CCDC148: variants seen among roughly 807,000 people sequenced by gnomAD.
The protein encoded by CCDC148 is coiled-coil domain-containing protein 148.
A neutral mutation model predicts 85.7 loss-of-function variants in CCDC148; 89 were observed. That is an observed-to-expected ratio of 1.04 (90% CI 0.87 to 1.24). The LOEUF is 1.24. Ranked by LOEUF, CCDC148 falls within the 50% of genes most tolerant of loss-of-function variation. The pLI, the probability that CCDC148 is intolerant of heterozygous loss-of-function variation, is 0.00. For synonymous variants in CCDC148, 230 were observed against 213.9 expected (o/e 1.08, Z -0.66); for missense variants, 692 against 671.7 (o/e 1.03, Z -0.33).
At chr2:158,210,038 C>A (rs912232042) in intron 11 of CCDC148, among the ~76,000 whole-genome samples, 21 of 152,070 alleles carry the variant, frequency 1.4e-4, no homozygotes, top group Non-Finnish European at 4.4e-5. Context: ...AGAGTCACGA[C>A]CCATTGGTGT....
chr2:158,385,806 GGCAAGATAGGGCCTCTTGAAAA>G (rs1685062709), intron 1 of CCDC148, among the ~76,000 whole-genome samples: 1 of 152,038 alleles, frequency 6.6e-6, no homozygotes, highest in African/African-American at 2.4e-5. Context: ...GGTGGCTTTT[GGCAAGATAGGGCCTCTTGAAAA>G]GCAAGAGAGC....
Position 158,384,133 on chromosome 2 carries a change from T to C in CCDC148, c.26-25563A>G, listed in dbSNP as rs79776456. ...TCTCATTGCATTACCTGATTTCCCT[T>C]TGTCCATTACTGATGCTATTGACTT... On this transcript the variant is annotated intron_variant, in intron 1 of 13. Transcript: ENST00000283233. 1.4e-3 allele frequency among the ~76,000 whole-genome samples: 211 copies of C among 152,348 alleles called. 2 individuals are homozygous for C. The East Asian group carries it at 0.037, about 27-fold the overall frequency.
At chr2:158,244,657 T>C (rs924278180) in intron 10 of CCDC148, among the ~76,000 whole-genome samples, 1 of 152,142 alleles carries the variant, frequency 6.6e-6, no homozygotes, top group Non-Finnish European at 1.5e-5. Context: ...CAGTCTGCTA[T>C]CACTCTGCCT....
At chr2:158,263,156 A>G (rs562642416) in intron 9 of CCDC148, among the ~76,000 whole-genome samples, 10 of 152,154 alleles carry the variant, frequency 6.6e-5, no homozygotes, top group African/African-American at 2.4e-4. Flanking sequence ...AACGATTCAC[A>G]AAGGAGGATT....
intron 1 of CCDC148, among the ~76,000 whole-genome samples, chr2:158,418,490 T>C (rs796721615): frequency 1.4e-4 from 22 of 152,320 alleles, no homozygotes; most frequent in African/African-American, 5.3e-4. Flanking sequence ...ACCTTCCTTC[T>C]GTTCCTGGTA....
chr2:158,436,922 A>C (rs1687683074), intron 1 of CCDC148, among the ~76,000 whole-genome samples: 1 of 152,332 alleles, frequency 6.6e-6, no homozygotes, highest in Non-Finnish European at 1.5e-5. Flanking sequence ...TCAAGACTAA[A>C]CCAGGAAGAA....
At chr2:158,395,911 C>T (rs1685501570) in intron 1 of CCDC148, among the ~76,000 whole-genome samples, 1 of 152,150 alleles carries the variant, frequency 6.6e-6, no homozygotes, top group Non-Finnish European at 1.5e-5. Flanking sequence ...AGAATACAAT[C>T]ATTATTACTT....
chr2:158,445,405 T>C (rs955756588), intron 1 of CCDC148, among the ~76,000 whole-genome samples: 1 of 152,210 alleles, frequency 6.6e-6, no homozygotes, highest in Non-Finnish European at 1.5e-5. Context: ...GAGATTTCAT[T>C]GACCTTTCTC....
At chr2:158,323,079 T>C (rs1692593644) in intron 7 of CCDC148, among the ~76,000 whole-genome samples, 1 of 152,148 alleles carries the variant, frequency 6.6e-6, no homozygotes, top group Non-Finnish European at 1.5e-5. Flanking sequence ...ATGTTACTGA[T>C]GAAATACAGC....
chr2:158,396,641 A>G (rs1374523897), intron 1 of CCDC148, among the ~76,000 whole-genome samples: 1 of 152,132 alleles, frequency 6.6e-6, no homozygotes, highest in Admixed American at 6.6e-5. Context: ...GCAGAGCCTC[A>G]GCATCTTCAA....
intron 9 of CCDC148, among the ~76,000 whole-genome samples, chr2:158,279,059 C>G (rs6706954): frequency 0.41 from 62,088 of 152,076 alleles, 13,312 homozygotes; most frequent in South Asian, 0.61. Context: ...CAGACCTGCA[C>G]CTGAGGGTCC....
chr2:158,445,017 G>A (rs6716224), intron 1 of CCDC148, among the ~76,000 whole-genome samples: 55,291 of 151,710 alleles, frequency 0.36, 11,317 homozygotes, highest in East Asian at 0.6. Flanking sequence ...ACTAGCACAG[G>A]AACACTAGCA....
intron 9 of CCDC148, among the ~76,000 whole-genome samples, chr2:158,306,693 G>T (rs1433089184): frequency 6.6e-6 from 1 of 151,996 alleles, no homozygotes; most frequent in Non-Finnish European, 1.5e-5. Flanking sequence ...TGGGGGAAGG[G>T]GGGAGGGAAA....
rs766356032 is a variant in CCDC148 at position 158,178,889 on chromosome 2, A to C, written c.1478T>G (p.Leu493Arg). Residue 493 changes from leucine to arginine, a missense_variant, in exon 12 of 14, where the codon CTT becomes CGT. By Grantham distance (102) the Leu-to-Arg change is moderately radical. Transcript: ENST00000283233. ...CCAAATGAAAAACACCTGTTTCCTA[A>C]GGGCTTCTAGCCGCCGTGCTCTCTC... ...DKERARRLEA[L>R]RKQVAVVAQF... 1.9e-5 allele frequency: 30 copies of C among 1,612,176 alleles called. No homozygotes were observed. Among genetic ancestry groups the C allele is most frequent in the Middle Eastern group, 3.3e-4 (2 of 6,080 alleles).
At chr2:158,306,995 G>A (rs1273603225) in intron 9 of CCDC148, among the ~76,000 whole-genome samples, 1 of 144,634 alleles carries the variant, frequency 6.9e-6, no homozygotes, top group African/African-American at 2.6e-5. Flanking sequence ...CTCCACCCTG[G>A]GCGACAGAGC....
chr2:158,439,606 C>A (rs1427002137), intron 1 of CCDC148, among the ~76,000 whole-genome samples: 1 of 151,348 alleles, frequency 6.6e-6, no homozygotes, highest in Non-Finnish European at 1.5e-5. Flanking sequence ...GCACATGTAC[C>A]CTGGAAGTTA....
rs147503386 is a variant in CCDC148 at position 158,367,422 on chromosome 2, T to C, written c.26-8852A>G. Among the ~76,000 whole-genome samples, 395 of 152,256 alleles carry C rather than the reference T, an allele frequency of 2.6e-3. 2 individuals carry two copies. Among genetic ancestry groups the C allele is most frequent in the Non-Finnish European group, 4.4e-3 (297 of 68,004 alleles). On this transcript the variant is annotated intron_variant, in intron 1 of 13. Coordinates refer to ENST00000283233, the MANE Select transcript of CCDC148 (RefSeq NM_138803.4). ...TGGTTAGTTGTGTAGTTTTCTTTCA[T>C]TGGAGAGCCAGCCCCTTTAGATTTA...
At chr2:158,283,346 T>G (rs1690435643) in intron 9 of CCDC148, among the ~76,000 whole-genome samples, 1 of 152,172 alleles carries the variant, frequency 6.6e-6, no homozygotes, top group Non-Finnish European at 1.5e-5. Flanking sequence ...ACAGGCAACC[T>G]ACAACATGGG....
At chr2:158,221,767 C>A (rs1220119359) in intron 10 of CCDC148, among the ~76,000 whole-genome samples, 1 of 152,136 alleles carries the variant, frequency 6.6e-6, no homozygotes, top group Non-Finnish European at 1.5e-5. Context: ...AACATCTGTT[C>A]AATGTTTAAT....
Sources: gnomAD v4.1 joint callset for allele counts (sites outside exome capture counted in the v4.1 genomes callset) on GRCh38, gnomAD v4.1.1 for gene constraint, MANE v1.5 for transcripts, NCBI Gene and HGNC (gene_info 2026-07-23, HGNC 2026-07-21) for gene names.